OTOG: variants seen among roughly 807,000 people sequenced by gnomAD.
The protein encoded by OTOG is otogelin.
A neutral mutation model predicts 313.8 loss-of-function variants in OTOG; 296 were observed. The ratio of observed to expected loss-of-function variants is 0.94; its 90% CI spans 0.86 to 1.04. The LOEUF is 1.04. Ranked by LOEUF, OTOG falls within the 50% of genes least tolerant of loss-of-function variation. OTOG has a pLI of 0.00. For missense variants in OTOG, 3,948 were observed against 3,840.1 expected (o/e 1.03, Z -0.74); for synonymous variants, 1,533 against 1,554.9 (o/e 0.99, Z 0.33).
Position 17,594,130 on chromosome 11 carries a change from C to T in OTOG, c.3372C>T (p.Asn1124=). 6.4e-7 allele frequency: 1 copy of T among 1,550,598 alleles called. No homozygotes were observed. Among genetic ancestry groups the T allele is most frequent in the African/African-American group, 1.4e-5 (1 of 73,182 alleles). The change falls in exon 28 of 56, where the codon AAC becomes AAT. Residue 1124 remains asparagine, a synonymous_variant. Coordinates refer to ENST00000399397, the MANE Select transcript of OTOG (RefSeq NM_001292063.2). ...MRTPENLELT[N]PQEFGSSWAA... ...CCCCGGAGAACCTAGAGCTAACTAA[C>T]CCCCAGGAGTTTGGCAGCAGTTGGG...
At chr11:17,593,989 G>C in intron 27 of OTOG, 58 bp from the exon 28 acceptor site, 1 of 1,548,290 alleles carries the variant, frequency 6.5e-7, no homozygotes, top group Admixed American at 2.0e-5. Flanking sequence ...TGACCCCTCT[G>C]CCCGTGGCTC....
Position 17,611,023 on chromosome 11 carries a change from G to T in OTOG, c.5723G>T (p.Gly1908Val), listed in dbSNP as rs1006184089. The change falls in exon 36 of 56, where the codon GGG becomes GTG. Residue 1908 changes from glycine to valine, a missense_variant. By Grantham distance (109) the Gly-to-Val change is moderately radical (BLOSUM62 -3). Transcript: ENST00000399397. ...GTTGTCCCACGAAAGAGCACCACAGGGAAGGTGGCCATCCTATCCAAGCAA... is the reference window on the plus strand; with the variant it reads ...GTTGTCCCACGAAAGAGCACCACAGTGAAGGTGGCCATCCTATCCAAGCAA... ...VSVVPRKSTTGKVAILSKQVS... is the reference protein window; with the variant it reads ...VSVVPRKSTTVKVAILSKQVS... 6.4e-7 allele frequency: 1 copy of T among 1,550,436 alleles called. No individual in the cohort carries two copies. The highest frequency in any genetic ancestry group is 8.7e-7 in the Non-Finnish European group (1 of 1,147,008).
intron 48 of OTOG, chr11:17,638,851 A>G: frequency 1.5e-6 from 2 of 1,295,770 alleles, no homozygotes; most frequent in Non-Finnish European, 2.1e-6. Flanking sequence ...TAATCCCAGC[A>G]CTTTGAGAGG....
rs1854138000 is a variant in OTOG at position 17,631,931 on chromosome 11, C to T, written c.6933+9C>T. ...GTGCCTGCCACCGCTTTGTATGTGCCAACTGGGTCCAGCACTGGGGACACC... is the reference window on the plus strand; with the variant it reads ...GTGCCTGCCACCGCTTTGTATGTGCTAACTGGGTCCAGCACTGGGGACACC... On this transcript the variant is annotated intron_variant, in intron 41 of 55. Transcript: ENST00000399397. The T allele has an allele frequency of 1.3e-6, 2 of 1,548,862 alleles. No individual in the cohort carries two copies. The highest frequency in any genetic ancestry group is 1.4e-5 in the African/African-American group (1 of 73,052).
In OTOG at chr11:17,594,040, C is replaced by T; in HGVS notation, c.3289-7C>T. ...GCAACTGACCATGGTGTCCTCTCTC[C>T]TTTCAGGGCCAGCTGGCGGGCCTCT... is the stretch of plus-strand genomic sequence containing the variant. On this transcript the variant is annotated splice_region_variant and splice_polypyrimidine_tract_variant and intron_variant, in intron 27 of 55. Coordinates refer to ENST00000399397, the MANE Select transcript of OTOG (RefSeq NM_001292063.2). The T allele has an allele frequency of 6.4e-7, 1 of 1,550,606 alleles. No homozygotes were observed. Among genetic ancestry groups the T allele is most frequent in the Non-Finnish European group, 8.7e-7 (1 of 1,146,994 alleles).
chr11:17,636,045 C>T (rs1019094315), intron 47 of OTOG, among the ~76,000 whole-genome samples: 2 of 152,230 alleles, frequency 1.3e-5, no homozygotes, highest in Non-Finnish European at 2.9e-5. Context: ...CCCAAGGCTC[C>T]CCTTCAGGGT....
chr11:17,623,469 A>T (rs1853912929), intron 39 of OTOG, among the ~76,000 whole-genome samples: 2 of 152,180 alleles, frequency 1.3e-5, no homozygotes, highest in South Asian at 4.1e-4. Flanking sequence ...TCTGCAGAGG[A>T]CATGATCTCA....
chr11:17,593,198 A>G lies in OTOG; in HGVS notation c.3012A>G (p.Thr1004=). ...CTCACTTATTCTCTCCTCAGAGCAC[A>G]TCAGATGTCAGCTTCTCTGTGATTG... is the stretch of plus-strand genomic sequence containing the variant. ...GACKVHLVKS[T]SDVSFSVIVE... is the part of the protein sequence containing the mutation. The change falls in exon 26 of 56, where the codon ACA becomes ACG. Residue 1004 remains threonine (T), a synonymous_variant. Coordinates refer to ENST00000399397, the MANE Select transcript of OTOG (RefSeq NM_001292063.2). 2 of 1,550,166 alleles carry G rather than the reference A, an allele frequency of 1.3e-6. No homozygotes were observed. Among genetic ancestry groups the G allele is most frequent in the Non-Finnish European group, 1.7e-6 (2 of 1,146,650 alleles).
rs1396310498 is a variant in OTOG, at chr11:17,553,473, C to A, written c.494C>A (p.Thr165Asn). The A allele has an allele frequency of 6.8e-7, 1 of 1,460,482 alleles. No homozygotes were observed. The highest frequency in any genetic ancestry group is 9.1e-7 in the Non-Finnish European group (1 of 1,104,266). The allele number at this position is 1,460,482 out of a possible 1,614,324, so 90.5% of individuals were successfully genotyped here. Reference sequence around the variant, plus strand: ...TACCTCTCCGGAAAGGGCAGCTACACCCTGGTGGGTCGCCATGAGCCCGAG... The same window carrying A: ...TACCTCTCCGGAAAGGGCAGCTACAACCTGGTGGGTCGCCATGAGCCCGAG... Reference protein sequence around the residue: ...YYYLSGKGSYTLVGRHEPEGQ... With the variant: ...YYYLSGKGSYNLVGRHEPEGQ... The change falls in exon 6 of 56, where the codon ACC becomes AAC. Residue 165 changes from threonine to asparagine, a missense_variant. Transcript: ENST00000399397.
chr11:17,564,203 G>T, intron 15 of OTOG, among the ~76,000 whole-genome samples: 1 of 152,200 alleles, frequency 6.6e-6, no homozygotes, highest in East Asian at 1.9e-4. Flanking sequence ...GTTACACAGA[G>T]TAATCAGACC....
intron 12 of OTOG, among the ~76,000 whole-genome samples, chr11:17,560,149 G>A (rs1271598166): frequency 1.3e-5 from 2 of 152,172 alleles, no homozygotes; most frequent in Non-Finnish European, 2.9e-5. Context: ...TCCATGTATG[G>A]GGACTGGTTT....
chr11:17,612,896 C>T (rs1022591207), intron 38 of OTOG, 131 bp downstream of exon 38: 7 of 1,161,284 alleles, frequency 6.0e-6, no homozygotes, highest in Non-Finnish European at 7.1e-6. Flanking sequence ...CCCTCTGTCT[C>T]CAGGAATGGG....
intron 20 of OTOG, among the ~76,000 whole-genome samples, chr11:17,575,593 G>A (rs906508854): frequency 2.6e-5 from 4 of 152,338 alleles, no homozygotes; most frequent in Non-Finnish European, 4.4e-5. Flanking sequence ...ATCTTGGGGC[G>A]ACTGGCAAGG....
At chr11:17,553,646 C>A in intron 6 of OTOG, 127 bp downstream of exon 6, 1 of 907,590 alleles carries the variant, frequency 1.1e-6, no homozygotes, top group South Asian at 4.6e-5. Context: ...CCCCCAGCTC[C>A]CACCCAGGCA....
Position 17,559,723 on chromosome 11 carries a change from C to T in OTOG, c.1342+61C>T, listed in dbSNP as rs138453510. ...CTTCCTGGCCTGGCACAGATGGCCA[C>T]GAAACAGGAGTTCAGAAGATACCTG... On this transcript the variant is annotated intron_variant, in intron 12 of 55. Transcript: ENST00000399397. 3,555 of 1,493,538 alleles carry T rather than the reference C, an allele frequency of 2.4e-3. 13 individuals carry two copies. Among genetic ancestry groups the T allele is most frequent in the South Asian group, 8.1e-3 (652 of 80,910 alleles). The allele number at this position is 1,493,538 out of a possible 1,614,324, so 92.5% of individuals were successfully genotyped here.
At chr11:17,581,475 T>C (rs1037906205) in intron 23 of OTOG, among the ~76,000 whole-genome samples, 4 of 152,184 alleles carry the variant, frequency 2.6e-5, no homozygotes, top group African/African-American at 9.7e-5. Context: ...TTTCTTCCCT[T>C]GAAAATTGGC....
chr11:17,617,180 T>C (rs1853742215), intron 39 of OTOG, among the ~76,000 whole-genome samples: 1 of 152,242 alleles, frequency 6.6e-6, no homozygotes, highest in South Asian at 2.1e-4. Context: ...GTTAACCCAG[T>C]CTTGCCTTCC....
At chr11:17,605,129 C>G (rs181930995) in intron 32 of OTOG, among the ~76,000 whole-genome samples, 2 of 152,378 alleles carry the variant, frequency 1.3e-5, no homozygotes, top group Non-Finnish European at 2.9e-5. Context: ...ATTCCCGCCC[C>G]ATGCTCACTC....
chr11:17,565,752 C>T (rs1201057613), intron 15 of OTOG, among the ~76,000 whole-genome samples: 1 of 152,152 alleles, frequency 6.6e-6, no homozygotes, highest in Non-Finnish European at 1.5e-5. Context: ...CAGCTTTGGG[C>T]ACTGGGAGAT....
Sources: allele counts gnomAD v4.1 joint callset (sites outside exome capture counted in the v4.1 genomes callset), GRCh38; gene constraint gnomAD v4.1.1; transcripts MANE v1.5; gene names NCBI Gene and HGNC (gene_info 2026-07-23, HGNC 2026-07-21).